Variants in TESPA1 observed in about 807,000 individuals in gnomAD.
TESPA1 encodes the protein protein TESPA1.
In TESPA1, 33 loss-of-function variants were observed where a neutral mutation model predicts 57.9. The ratio of observed to expected loss-of-function variants is 0.57; its 90% CI spans 0.43 to 0.76. TESPA1 has a LOEUF of 0.76. Ranked by LOEUF, TESPA1 falls within the 30% of genes least tolerant of loss-of-function variation. The pLI is 0.00. For synonymous variants in TESPA1, 227 were observed against 228.9 expected (o/e 0.99, Z 0.07); for missense variants, 618 against 632.9 (o/e 0.98, Z 0.25).
At chr12:54,967,285 A>T (rs1421899791) in intron 4 of TESPA1, 49 bp from the exon 5 acceptor site, 1 of 1,594,002 alleles carries the variant, frequency 6.3e-7, no homozygotes, top group Admixed American at 1.7e-5. Context: ...TGGAACATAT[A>T]CACATGCACA....
At chr12:54,959,387 G>T (rs974947595) in intron 10 of TESPA1, among the ~76,000 whole-genome samples, 15 of 152,230 alleles carry the variant, frequency 9.9e-5, no homozygotes, top group African/African-American at 3.6e-4. Context: ...ATGCTCTGCT[G>T]CATTTCAAAA....
intron 1 of TESPA1, among the ~76,000 whole-genome samples, chr12:54,977,164 C>G (rs7314940): frequency 2.4e-3 from 372 of 151,922 alleles, no homozygotes; most frequent in African/African-American, 8.9e-3. Flanking sequence ...ACAAGCTCCA[C>G]GAGGACAGAA....
At chr12:54,968,460 A>G (rs914994879) in intron 3 of TESPA1, among the ~76,000 whole-genome samples, 7 of 152,218 alleles carry the variant, frequency 4.6e-5, no homozygotes, top group African/African-American at 7.2e-5. Flanking sequence ...TCTCCACCAG[A>G]AGAACAAACC....
chr12:54,969,940 T>C (rs1951723535), intron 3 of TESPA1, among the ~76,000 whole-genome samples: 1 of 152,186 alleles, frequency 6.6e-6, no homozygotes, highest in Admixed American at 6.5e-5. Context: ...ATTTGCCTAT[T>C]ATTTATTTGT....
Position 54,963,935 on chromosome 12 carries a change from C to T in TESPA1, c.462G>A (p.Leu154=). The change falls in exon 8 of 11, where the codon CTG becomes CTA. Residue 154 remains leucine, a synonymous_variant. Transcript: ENST00000449076. ...CTTCTGCATCTTCTTGCACTTTGTC[C>T]AGAATTTCTGAGATGCTGAAATGAG... The part of the protein sequence containing the change: ...NKTSSSISEI[L]DKVQEDAEDV... The T allele has an allele frequency of 6.2e-7, 1 of 1,613,380 alleles. No individual in the cohort carries two copies. Among genetic ancestry groups the T allele is most frequent in the African/African-American group, 1.3e-5 (1 of 75,034 alleles).
At chr12:54,964,030 G>T in intron 7 of TESPA1, 80 bp from the exon 8 acceptor site, 1 of 1,395,160 alleles carries the variant, frequency 7.2e-7, no homozygotes. Flanking sequence ...TCTAATAAAA[G>T]TGTCAGAAGA....
intron 1 of TESPA1, 111 bp downstream of exon 1, chr12:54,984,474 T>C (rs1005522418): frequency 2.0e-5 from 3 of 152,222 alleles, no homozygotes; most frequent in African/African-American, 7.2e-5. Flanking sequence ...GATTTTCTCT[T>C]GATTTTCCCT....
At chr12:54,972,981 GAT>G (rs1211806487) in intron 3 of TESPA1, among the ~76,000 whole-genome samples, 1 of 152,208 alleles carries the variant, frequency 6.6e-6, no homozygotes, top group Non-Finnish European at 1.5e-5. Flanking sequence ...TGAGGAAAGA[GAT>G]AATGCACTGC....
At chr12:54,951,071 C>T (rs972794293) in intron 10 of TESPA1, among the ~76,000 whole-genome samples, 1 of 152,138 alleles carries the variant, frequency 6.6e-6, no homozygotes, top group Non-Finnish European at 1.5e-5. Context: ...CCATTAACAT[C>T]CCTGATATAG....
Position 54,972,484 on chromosome 12 carries a change from C to A in TESPA1, c.206+993G>T, listed in dbSNP as rs188082795. 3.2e-3 allele frequency among the ~76,000 whole-genome samples: 488 copies of A among 152,264 alleles called. 2 individuals are homozygous for A. Among genetic ancestry groups the A allele is most frequent in the African/African-American group, 0.011 (467 of 41,548 alleles). Reference sequence around the variant, plus strand: ...AAGTATTTTAAATCCTAGGACAGTTCTCATCCTAGGCTTCTCACCCAAACC... The same window carrying A: ...AAGTATTTTAAATCCTAGGACAGTTATCATCCTAGGCTTCTCACCCAAACC... On this transcript the variant is annotated intron_variant, in intron 3 of 10. Transcript: ENST00000449076.
At chr12:54,975,800 A>G (rs1009266501) in intron 1 of TESPA1, among the ~76,000 whole-genome samples, 2 of 152,258 alleles carry the variant, frequency 1.3e-5, no homozygotes, top group African/African-American at 2.4e-5. Context: ...AGGCATTAAA[A>G]TAGCTTTTTT....
At chr12:54,954,130 G>C (rs1178161263) in intron 10 of TESPA1, among the ~76,000 whole-genome samples, 2 of 152,160 alleles carry the variant, frequency 1.3e-5, no homozygotes, top group Admixed American at 6.5e-5. Context: ...TCCAAGTACA[G>C]GTAGCGAGGC....
In TESPA1 at chr12:54,980,002, T is replaced by TA. The variant is rs562329504; in HGVS notation, c.-46+4582dup. ...TATGGTTACCTGACCCTCACAGAGA[T>TA]ACGTTATTTGTCCAAGGCCACATCC... On this transcript the variant is annotated intron_variant, in intron 1 of 10. Transcript: ENST00000449076. Among the ~76,000 whole-genome samples the TA allele has an allele frequency of 3.3e-3, 497 of 152,334 alleles. 2 individuals are homozygous for TA. Among genetic ancestry groups the TA allele is most frequent in the Non-Finnish European group, 5.1e-3 (345 of 68,030 alleles).
intron 2 of TESPA1, chr12:54,973,808 C>G (rs1951998461): frequency 8.5e-7 from 1 of 1,181,064 alleles, no homozygotes; most frequent in East Asian, 4.0e-5. Flanking sequence ...AAGGGTGGAT[C>G]CTTCTCATTT....
chr12:54,952,080 T>C (rs1950435589), intron 10 of TESPA1, among the ~76,000 whole-genome samples: 1 of 152,208 alleles, frequency 6.6e-6, no homozygotes, highest in South Asian at 2.1e-4. Flanking sequence ...GGGAAAAAAT[T>C]AGGATTAGAT....
intron 1 of TESPA1, among the ~76,000 whole-genome samples, chr12:54,982,915 A>G (rs1952374775): frequency 6.6e-6 from 1 of 152,086 alleles, no homozygotes; most frequent in South Asian, 2.1e-4. Flanking sequence ...TCAATCTGAA[A>G]TCTGTGTTTA....
chr12:54,973,846 C>T (rs753178576), intron 2 of TESPA1: 79 of 1,106,342 alleles, frequency 7.1e-5, no homozygotes, highest in Non-Finnish European at 8.6e-5. Context: ...GAAAGACAAT[C>T]TTGTTTTTGT....
Position 54,950,228 on chromosome 12 carries a change from A to G in TESPA1, c.*164T>C, listed in dbSNP as rs1950294398. On this transcript the variant is annotated 3_prime_UTR_variant, in exon 11 of 11. Coordinates refer to ENST00000449076, the MANE Select transcript of TESPA1 (RefSeq NM_001136030.3). ...ATCGCTCAGTCTGGTCTTCCTCCCC[A>G]TGTACCATGCTGCCTTTCTCCTGCA... is the stretch of plus-strand genomic sequence containing the variant. The G allele has an allele frequency of 2.2e-6, 1 of 455,806 alleles. No homozygotes were observed. Among genetic ancestry groups the G allele is most frequent in the South Asian group, 1.6e-5 (1 of 64,462 alleles). The allele number at this position is 455,806 out of a possible 1,614,324, so 28.2% of individuals were successfully genotyped here.
At chr12:54,971,197 A>C (rs764886157) in intron 3 of TESPA1, among the ~76,000 whole-genome samples, 1 of 152,240 alleles carries the variant, frequency 6.6e-6, no homozygotes, top group Non-Finnish European at 1.5e-5. Flanking sequence ...TGGAAACTAT[A>C]TGGTCTTGGA....
Sources: gnomAD v4.1 joint callset for allele counts (sites outside exome capture counted in the v4.1 genomes callset) on GRCh38, gnomAD v4.1.1 for gene constraint, MANE v1.5 for transcripts, NCBI Gene and HGNC (gene_info 2026-07-23, HGNC 2026-07-21) for gene names.